Variants in DNAH2 observed in about 807,000 individuals in gnomAD.
The protein encoded by DNAH2 is dynein axonemal heavy chain 2.
In DNAH2, 323 loss-of-function variants were observed where a neutral mutation model predicts 523.5. The ratio of observed to expected loss-of-function variants is 0.62; its 90% CI spans 0.56 to 0.68. The LOEUF (loss-of-function observed/expected upper bound fraction) is 0.68, where lower values mean the gene tolerates loss of function less well. Among genes scored for constraint, DNAH2 ranks in the 30% least tolerant of loss-of-function variants. The pLI is 0.00. For synonymous variants in DNAH2, 2,093 were observed against 2,177.4 expected, an observed-to-expected ratio of 0.96 and a Z score of 1.08; for missense variants, 4,907 against 5,701.5, an observed-to-expected ratio of 0.86 and a Z score of 4.49.
At chr17:7,720,755 C>A (rs1243249952) in intron 2 of DNAH2, among the ~76,000 whole-genome samples, 2 of 152,078 alleles carry the variant, frequency 1.3e-5, no homozygotes, top group Admixed American at 1.3e-4. Flanking sequence ...TAAGAACTTG[C>A]ATTAGGTTCC....
chr17:7,736,157 G>T (rs1389934523), intron 7 of DNAH2, among the ~76,000 whole-genome samples: 1 of 152,090 alleles, frequency 6.6e-6, no homozygotes, highest in Non-Finnish European at 1.5e-5. Flanking sequence ...TTATAGGTGT[G>T]AGCCACCACA....
In DNAH2 at chr17:7,759,776, C is replaced by A. The variant is rs2075953490; in HGVS notation, c.2638-15C>A. 1.2e-6 allele frequency: 2 copies of A among 1,614,076 alleles called. No individual in the cohort carries two copies. The highest frequency in any genetic ancestry group is 1.7e-6 in the Non-Finnish European group (2 of 1,179,936). On this transcript the variant is annotated splice_polypyrimidine_tract_variant and intron_variant, in intron 16 of 85. Transcript: ENST00000572933. The stretch of plus-strand genomic sequence containing the variant: ...CCTAAGGCTTTTCTCTCCATCTCCA[C>A]TGGGTTCCTCACAGGTGGAATTCTC...
intron 77 of DNAH2, among the ~76,000 whole-genome samples, chr17:7,824,928 C>T (rs2279621): frequency 2.6e-5 from 4 of 152,020 alleles, no homozygotes; most frequent in South Asian, 2.1e-4. Flanking sequence ...TCATGTGCCA[C>T]GCACTGTTCT....
At position 7,723,632 on chromosome 17, in the gene DNAH2, A is replaced by C; in HGVS notation, c.171A>C (p.Pro57=). The change falls in exon 3 of 86, where the codon CCA becomes CCC. Residue 57 remains proline (P), a synonymous_variant. Transcript: ENST00000572933. Reference sequence around the variant, plus strand: ...TTGTATGTTTATTCTTCCTAGAGCCACGGTTGGAGGGACCTCAAGCACAGA... The same window carrying C: ...TTGTATGTTTATTCTTCCTAGAGCCCCGGTTGGAGGGACCTCAAGCACAGA... ...QAELPKEEPE[P]RLEGPQAQSE... The C allele has an allele frequency of 6.2e-7, 1 of 1,613,896 alleles. No individual in the cohort carries two copies. Among genetic ancestry groups the C allele is most frequent in the Non-Finnish European group, 8.5e-7 (1 of 1,179,890 alleles).
At chr17:7,790,582 AAAT>A (rs1460942444) in intron 44 of DNAH2, among the ~76,000 whole-genome samples, 3 of 152,146 alleles carry the variant, frequency 2.0e-5, no homozygotes, top group African/African-American at 7.2e-5. Flanking sequence ...CCCTTTCTGA[AAAT>A]AATAATTTTT....
intron 39 of DNAH2, among the ~76,000 whole-genome samples, chr17:7,782,697 TG>T (rs1224885883): frequency 6.6e-6 from 1 of 152,026 alleles, no homozygotes; most frequent in African/African-American, 2.4e-5. Flanking sequence ...CGAGGTGCGG[TG>T]GTTCACGCCT....
At chr17:7,793,795 G>A (rs2076988165) in intron 48 of DNAH2, among the ~76,000 whole-genome samples, 1 of 151,962 alleles carries the variant, frequency 6.6e-6, no homozygotes, top group Admixed American at 6.6e-5. Context: ...ATCGCGGCCT[G>A]GCTCCTGGGG....
intron 58 of DNAH2, 48 bp downstream of exon 58, chr17:7,802,065 T>A: frequency 6.2e-7 from 1 of 1,608,292 alleles, no homozygotes; most frequent in Non-Finnish European, 8.5e-7. Context: ...GCTGGTGTCT[T>A]CTGAGGGCGA....
rs936536607 is a variant in DNAH2, at chr17:7,786,238, A to T, written c.6244A>T (p.Ile2082Phe). 8.1e-6 allele frequency: 13 copies of T among 1,613,870 alleles called. No individual in the cohort carries two copies. Among genetic ancestry groups the T allele is most frequent in the South Asian group, 1.1e-5 (1 of 91,072 alleles). The change falls in exon 40 of 86, where the codon ATC (isoleucine) becomes TTC (phenylalanine). Residue 2082 changes from isoleucine to phenylalanine, a missense_variant. Transcript: ENST00000572933. This position sits in a 1 kb window ranked among gnomAD's most constrained non-coding sequence, Gnocchi z 7.5. ...CAAGAACTCCCGCCACTCCACCATG[A>T]TCGTGGGCTGCACGGGCAGCGGCAA... ...ETKNSRHSTMIVGCTGSGKTA... is the reference protein window; with the variant it reads ...ETKNSRHSTMFVGCTGSGKTA...
chr17:7,818,257 G>A, intron 68 of DNAH2, 55 bp from the exon 69 acceptor site: 5 of 1,607,210 alleles, frequency 3.1e-6, no homozygotes, highest in African/African-American at 1.3e-5. Context: ...TGGGGGATGG[G>A]TTAGCTGGTA....
At chr17:7,741,295 T>TTTCTTTCTTTCTTCCCTCCCTCCCTCCC (rs1567624898) in intron 11 of DNAH2, among the ~76,000 whole-genome samples, 1 of 55,464 alleles carries the variant, frequency 1.8e-5, no homozygotes, top group Non-Finnish European at 3.2e-5. Flanking sequence ...TCTTTCTTTC[T>TTTCTTTCTTTCTTCCCTCCCTCCCTCCC]TCCTTCCTTC....
chr17:7,724,000 T>C (rs1330157908), intron 3 of DNAH2, among the ~76,000 whole-genome samples: 2 of 152,156 alleles, frequency 1.3e-5, no homozygotes, highest in South Asian at 2.1e-4. Context: ...TGGGAAGATA[T>C]TGTCCTAATT....
intron 48 of DNAH2, among the ~76,000 whole-genome samples, chr17:7,793,503 C>CTTTCTTTCTTTA (rs2076972328): frequency 3.7e-5 from 5 of 135,110 alleles, no homozygotes; most frequent in African/African-American, 1.3e-4. Context: ...TTCTTTCTTT[C>CTTTCTTTCTTTA]TTTCTTTCTT....
rs546295277 is a variant in DNAH2, at chr17:7,804,253, C to T, written c.8973-3C>T. 6.8e-6 allele frequency: 11 copies of T among 1,614,066 alleles called. No individual in the cohort carries two copies. The highest frequency in any genetic ancestry group is 8.5e-6 in the Non-Finnish European group (10 of 1,179,990). ...CCACACCCTGTCCTATTCTTTCCCC[C>T]AGGTTGCTGGGAGAAAAACGGCAGG... On this transcript the variant is annotated splice_region_variant and splice_polypyrimidine_tract_variant and intron_variant, in intron 58 of 85. Transcript: ENST00000572933.
chr17:7,790,584 A>G (rs1476366453), intron 44 of DNAH2, among the ~76,000 whole-genome samples: 1 of 152,178 alleles, frequency 6.6e-6, no homozygotes, highest in Non-Finnish European at 1.5e-5. Context: ...CTTTCTGAAA[A>G]TAATAATTTT....
intron 63 of DNAH2, among the ~76,000 whole-genome samples, chr17:7,811,035 A>T (rs544070072): frequency 5.3e-5 from 8 of 152,210 alleles, no homozygotes; most frequent in Non-Finnish European, 1.0e-4. Flanking sequence ...AATATACTTT[A>T]AGGCGACTGT....
chr17:7,777,655 C>T, intron 33 of DNAH2, 21 bp downstream of exon 33: 1 of 1,613,178 alleles, frequency 6.2e-7, no homozygotes, highest in South Asian at 1.1e-5. Context: ...GGCCACCTCC[C>T]CACTCTCTTA....
chr17:7,723,248 G>A (rs1158316252), intron 2 of DNAH2, among the ~76,000 whole-genome samples: 1 of 142,022 alleles, frequency 7.0e-6, no homozygotes, highest in African/African-American at 2.6e-5. Context: ...GGGATTACAG[G>A]TGTGAGCCAC....
At chr17:7,769,948 AATG>A (rs1326562466) in intron 24 of DNAH2, among the ~76,000 whole-genome samples, 1 of 152,172 alleles carries the variant, frequency 6.6e-6, no homozygotes, top group Non-Finnish European at 1.5e-5. Flanking sequence ...TAGCCGTGAG[AATG>A]ATATGAGATG....
Sources: allele counts gnomAD v4.1 joint callset (sites outside exome capture counted in the v4.1 genomes callset), GRCh38; gene constraint gnomAD v4.1.1; non-coding constraint Gnocchi (gnomAD v3.1); transcripts MANE v1.5; gene names NCBI Gene and HGNC (gene_info 2026-07-23, HGNC 2026-07-21).